Variants in DRC10 observed in about 807,000 individuals in gnomAD.
DRC10 encodes the protein IQ domain-containing protein D.
chr12:113,197,211 T>A, the DRC10 span, among the ~76,000 whole-genome samples: 29 of 136,850 alleles, frequency 2.1e-4, no homozygotes, highest in African/African-American at 4.7e-4. Flanking sequence ...TTTTTTTTTT[T>A]AAATTAATAG....
the DRC10 span, among the ~76,000 whole-genome samples, chr12:113,216,865 A>G: frequency 6.6e-6 from 1 of 152,102 alleles, no homozygotes; most frequent in East Asian, 1.9e-4. Context: ...AGGTGGGTGG[A>G]TCACCTGAGG....
chr12:113,213,958 C>CA, the DRC10 span, among the ~76,000 whole-genome samples: 2 of 151,574 alleles, frequency 1.3e-5, no homozygotes, highest in South Asian at 4.2e-4. Context: ...AAAACAAAAA[C>CA]AAAAAACAAA....
At chr12:113,212,069 C>A in the DRC10 span, among the ~76,000 whole-genome samples, 2 of 130,926 alleles carry the variant, frequency 1.5e-5, no homozygotes, top group Admixed American at 1.5e-4. Context: ...TATCTCTCCT[C>A]TTTTTTTTTT....
chr12:113,199,539 G>A, the DRC10 span, among the ~76,000 whole-genome samples: 2 of 152,228 alleles, frequency 1.3e-5, no homozygotes, highest in African/African-American at 4.8e-5. Flanking sequence ...AAGTGCATCT[G>A]TGCCTTCTTT....
At chr12:113,200,681 G>A in the DRC10 span, 1 of 1,536,194 alleles carries the variant, frequency 6.5e-7, no homozygotes, top group South Asian at 1.2e-5. Flanking sequence ...ACCCTGGCCT[G>A]TGATGCCCGG....
the DRC10 span, among the ~76,000 whole-genome samples, chr12:113,212,069 CT>C: frequency 0.013 from 1,765 of 130,890 alleles, 22 homozygotes; most frequent in Middle Eastern, 0.028. Flanking sequence ...TATCTCTCCT[CT>C]TTTTTTTTTT....
chr12:113,205,231 TAAA>T, the DRC10 span, among the ~76,000 whole-genome samples: 19 of 147,966 alleles, frequency 1.3e-4, no homozygotes, highest in African/African-American at 4.0e-4. Flanking sequence ...AATTTTTTTT[TAAA>T]AAAAAAAAGC....
the DRC10 span, among the ~76,000 whole-genome samples, chr12:113,201,438 G>C: frequency 6.6e-6 from 1 of 152,216 alleles, no homozygotes; most frequent in East Asian, 1.9e-4. Flanking sequence ...GTACAAGCTT[G>C]TTGGATTGAG....
At chr12:113,218,115 G>C in the DRC10 span, among the ~76,000 whole-genome samples, 2 of 151,562 alleles carry the variant, frequency 1.3e-5, no homozygotes, top group African/African-American at 2.4e-5. Context: ...CATCAATAGA[G>C]CTGAGGTTGA....
chr12:113,212,069 C>CTTT, the DRC10 span, among the ~76,000 whole-genome samples: 1 of 130,912 alleles, frequency 7.6e-6, no homozygotes, highest in African/African-American at 2.8e-5. Flanking sequence ...TATCTCTCCT[C>CTTT]TTTTTTTTTT....
the DRC10 span, among the ~76,000 whole-genome samples, chr12:113,218,684 A>C: frequency 2.0e-5 from 3 of 147,084 alleles, no homozygotes; most frequent in Admixed American, 6.7e-5. Context: ...GGCTCAAACT[A>C]GGATCCTCCT....
the DRC10 span, chr12:113,200,538 C>A: frequency 4.5e-6 from 6 of 1,326,154 alleles, no homozygotes; most frequent in Non-Finnish European, 5.2e-6. Flanking sequence ...ATCCCCCCCA[C>A]CAGGGGCCCC....
At chr12:113,214,822 G>T in the DRC10 span, among the ~76,000 whole-genome samples, 7 of 149,604 alleles carry the variant, frequency 4.7e-5, no homozygotes, top group South Asian at 6.4e-4. Flanking sequence ...TAGTTGAGTG[G>T]TTTTTTTTTT....
chr12:113,195,975 T>C, the DRC10 span: 1 of 1,493,168 alleles, frequency 6.7e-7, no homozygotes, highest in Non-Finnish European at 8.9e-7. Context: ...CCTTCCCAAA[T>C]GGTCTTCTGC....
chr12:113,214,742 C>T, the DRC10 span, among the ~76,000 whole-genome samples: 1 of 152,038 alleles, frequency 6.6e-6, no homozygotes, highest in Non-Finnish European at 1.5e-5. Context: ...AATTCTTTTG[C>T]ATCCCTTTAC....
the DRC10 span, chr12:113,207,359 C>T: frequency 3.3e-6 from 4 of 1,202,868 alleles, no homozygotes; most frequent in Non-Finnish European, 4.9e-6. Context: ...AAAAAAAAAT[C>T]AATCATTGAG....
At chr12:113,208,421 G>T in the DRC10 span, 1 of 1,222,076 alleles carries the variant, frequency 8.2e-7, no homozygotes, top group Non-Finnish European at 1.0e-6. Flanking sequence ...TTGTGAGGGT[G>T]TTAGGGCCAC....
chr12:113,200,399 C>A, the DRC10 span: 1 of 704,386 alleles, frequency 1.4e-6, no homozygotes. Context: ...CCAGGAGACA[C>A]TGGCTTGGAT....
chr12:113,208,030 G>A, the DRC10 span: 1 of 1,614,228 alleles, frequency 6.2e-7, no homozygotes, highest in South Asian at 1.1e-5. Context: ...GGCCTCAATG[G>A]TGGTGAGTTT....
Sources: allele counts gnomAD v4.1 joint callset (sites outside exome capture counted in the v4.1 genomes callset), GRCh38; gene constraint gnomAD v4.1.1; transcripts MANE v1.5; gene names NCBI Gene and HGNC (gene_info 2026-07-23, HGNC 2026-07-21).